Variants in ITGB6 observed in about 807,000 individuals in gnomAD.
The protein encoded by ITGB6 is integrin subunit beta 6, also known as integrin beta-6.
In ITGB6, 80 loss-of-function variants were observed where a neutral mutation model predicts 84.5. That is an observed-to-expected ratio of 0.95 (90% CI 0.79 to 1.14). The LOEUF is 1.14. Ranked by LOEUF, ITGB6 falls within the 50% of genes most tolerant of loss-of-function variation. The pLI, the probability that ITGB6 is intolerant of heterozygous loss-of-function variation, is 0.00. For missense variants in ITGB6, 1,006 were observed against 968.0 expected, an observed-to-expected ratio of 1.04 and a Z score of -0.52; for synonymous variants, 383 against 354.9, an observed-to-expected ratio of 1.08 and a Z score of -0.89.
intron 8 of ITGB6, among the ~76,000 whole-genome samples, chr2:160,138,687 A>G (rs1265419567): frequency 6.6e-6 from 1 of 152,186 alleles, no homozygotes. Context: ...CTTTGCAAAG[A>G]ATCCACAATT....
At chr2:160,165,539 A>G (rs1481143469) in intron 7 of ITGB6, among the ~76,000 whole-genome samples, 1 of 152,236 alleles carries the variant, frequency 6.6e-6, no homozygotes, top group Non-Finnish European at 1.5e-5. Flanking sequence ...GCTGCAATGA[A>G]AAGCTCAAAA....
intron 10 of ITGB6, 56 bp downstream of exon 10, chr2:160,137,378 G>A (rs535762360): frequency 1.3e-6 from 2 of 1,519,790 alleles, no homozygotes; most frequent in Non-Finnish European, 1.8e-6. Flanking sequence ...AGGATGCCAA[G>A]CCCCTTGCTG....
intron 4 of ITGB6, among the ~76,000 whole-genome samples, chr2:160,180,475 G>A (rs770786257): frequency 3.9e-5 from 6 of 152,150 alleles, no homozygotes; most frequent in African/African-American, 7.2e-5. Context: ...TTTATTTTAT[G>A]TTTAGAGGTA....
intron 8 of ITGB6, 101 bp from the exon 9 acceptor site, chr2:160,138,300 A>T: frequency 8.5e-7 from 1 of 1,172,884 alleles, no homozygotes. Flanking sequence ...AATAAATAAA[A>T]CTAAATTGGG....
At position 160,101,790 on chromosome 2, in the gene ITGB6, A is replaced by G. The variant is rs1393603219; in HGVS notation, c.2313T>C (p.Asn771=). ...GTTTTTCCCTGTGTTTATAAGTTAC[A>G]TTTTTAAAAGTACTTGTGGATCCTC... The part of the protein sequence containing the change: ...LYRGSTSTFK[N]VTYKHREKQK... The change falls in exon 15 of 15, where the codon AAT becomes AAC. Residue 771 remains asparagine (N), a synonymous_variant. Coordinates refer to ENST00000283249, the MANE Select transcript of ITGB6 (RefSeq NM_000888.5). The G allele has an allele frequency of 6.2e-7, 1 of 1,603,662 alleles. No individual in the cohort carries two copies. Among genetic ancestry groups the G allele is most frequent in the Non-Finnish European group, 8.5e-7 (1 of 1,170,822 alleles).
intron 7 of ITGB6, among the ~76,000 whole-genome samples, chr2:160,150,662 C>A (rs746179577): frequency 1.8e-4 from 27 of 152,028 alleles, no homozygotes; most frequent in Non-Finnish European, 3.4e-4. Flanking sequence ...CACAGACTGG[C>A]AAATTGGATA....
At chr2:160,117,160 G>A (rs891641580) in intron 12 of ITGB6, among the ~76,000 whole-genome samples, 41 of 151,900 alleles carry the variant, frequency 2.7e-4, no homozygotes, top group Admixed American at 3.9e-4. Flanking sequence ...TGCACCAAGC[G>A]GACCTAATAG....
intron 4 of ITGB6, among the ~76,000 whole-genome samples, chr2:160,182,340 GA>G (rs1327766297): frequency 6.6e-6 from 1 of 152,174 alleles, no homozygotes; most frequent in East Asian, 1.9e-4. Context: ...AGAACTTCAT[GA>G]AGCATACACA....
At chr2:160,174,529 A>C (rs546798946) in intron 4 of ITGB6, among the ~76,000 whole-genome samples, 1 of 152,196 alleles carries the variant, frequency 6.6e-6, no homozygotes, top group East Asian at 1.9e-4. Flanking sequence ...TCAAGTGTGA[A>C]TCACCCTGTA....
At chr2:160,103,456 T>C (rs1358505776) in intron 14 of ITGB6, among the ~76,000 whole-genome samples, 1 of 152,100 alleles carries the variant, frequency 6.6e-6, no homozygotes, top group East Asian at 1.9e-4. Flanking sequence ...TGGCTGGTGG[T>C]GGATGATGGG....
At chr2:160,133,431 G>A (rs180945868) in intron 10 of ITGB6, among the ~76,000 whole-genome samples, 166 of 152,264 alleles carry the variant, frequency 1.1e-3, no homozygotes, top group Non-Finnish European at 1.2e-3. Flanking sequence ...GACCTACAAA[G>A]AGACTTAGAC....
intron 7 of ITGB6, among the ~76,000 whole-genome samples, chr2:160,155,678 G>A (rs528928174): frequency 6.6e-6 from 1 of 152,292 alleles, no homozygotes; most frequent in Admixed American, 6.5e-5. Flanking sequence ...TTAAGAGTAT[G>A]AGAAGGAGGC....
chr2:160,134,517 T>G (rs1361730194), intron 10 of ITGB6, among the ~76,000 whole-genome samples: 3 of 152,024 alleles, frequency 2.0e-5, no homozygotes, highest in African/African-American at 7.2e-5. Flanking sequence ...ACTATTCCAA[T>G]CAATAGAAAA....
chr2:160,121,777 G>GA (rs61500846), intron 12 of ITGB6, among the ~76,000 whole-genome samples: 94,788 of 142,696 alleles, frequency 0.66, 31,483 homozygotes, highest in Admixed American at 0.73. Context: ...CAAAAAAAAA[G>GA]AAAAAAAAAA....
At chr2:160,187,665 C>A (rs192985369) in intron 4 of ITGB6, among the ~76,000 whole-genome samples, 1 of 152,154 alleles carries the variant, frequency 6.6e-6, no homozygotes, top group African/African-American at 2.4e-5. Flanking sequence ...AAAACAGTGC[C>A]ACTCCATTTT....
At chr2:160,195,336 C>T (rs771102043) in intron 4 of ITGB6, 33 bp downstream of exon 4, 26 of 1,612,490 alleles carry the variant, frequency 1.6e-5, no homozygotes, top group Admixed American at 8.3e-5. Flanking sequence ...AGAAAATCAG[C>T]GCACAAAGAT....
chr2:160,115,264 ACCTCACACAGCCGGGTACT>A (rs1225254437), intron 12 of ITGB6, among the ~76,000 whole-genome samples: 1 of 152,232 alleles, frequency 6.6e-6, no homozygotes, highest in African/African-American at 2.4e-5. Flanking sequence ...GCAGACTGAC[ACCTCACACAGCCGGGTACT>A]CCTCTGAGGC....
chr2:160,112,268 G>T, intron 12 of ITGB6, 69 bp from the exon 13 acceptor site: 1 of 1,399,438 alleles, frequency 7.1e-7, no homozygotes. Context: ...AAACAAAGTA[G>T]TATTGAGTTT....
intron 10 of ITGB6, among the ~76,000 whole-genome samples, chr2:160,133,439 G>A (rs1459204057): frequency 4.6e-5 from 7 of 152,156 alleles, no homozygotes; most frequent in Non-Finnish European, 8.8e-5. Flanking sequence ...AAGAGACTTA[G>A]ACTCCCACAC....
Sources: allele counts gnomAD v4.1 joint callset (sites outside exome capture counted in the v4.1 genomes callset), GRCh38; gene constraint gnomAD v4.1.1; transcripts MANE v1.5; gene names NCBI Gene and HGNC (gene_info 2026-07-23, HGNC 2026-07-21).